The following KIF26B variants were observed in gnomAD, a reference collection of about 807,000 sequenced individuals.
The protein encoded by KIF26B is kinesin-like protein KIF26B.
KIF26B carries 63 observed loss-of-function variants against 151.2 expected under a neutral mutation model. The observed-to-expected ratio is 0.42, with a 90% CI of 0.34 to 0.51. The LOEUF (loss-of-function observed/expected upper bound fraction) is 0.51. Among genes scored for constraint, KIF26B ranks in the 20% least tolerant of loss-of-function variants. The pLI is 0.07. For synonymous variants in KIF26B, 1,357 were observed against 1,262.1 expected, an observed-to-expected ratio of 1.08 and a Z score of -1.59; for missense variants, 2,813 against 2,913.6, an observed-to-expected ratio of 0.97 and a Z score of 0.79.
chr1:245,225,451 C>T (rs1669854619), intron 2 of KIF26B, among the ~76,000 whole-genome samples: 1 of 152,250 alleles, frequency 6.6e-6, no homozygotes, highest in African/African-American at 2.4e-5. Context: ...TGGCCCTCTG[C>T]AGGAGGGCTG....
chr1:245,306,919 A>G (rs1671566388), intron 2 of KIF26B, among the ~76,000 whole-genome samples: 2 of 152,176 alleles, frequency 1.3e-5, no homozygotes. Flanking sequence ...TACGTGATAC[A>G]TTTTTATCAC....
chr1:245,156,669 C>A lies in KIF26B; in HGVS notation c.451C>A (p.Pro151Thr). 6.7e-7 allele frequency: 1 copy of A among 1,500,606 alleles called. No individual in the cohort carries two copies. Among genetic ancestry groups the A allele is most frequent in the African/African-American group, 1.5e-5 (1 of 68,864 alleles). 93.0% of individuals were successfully genotyped at this position (1,500,606 alleles called of 1,614,324 possible). A position where few individuals can be genotyped will look rare whatever the true frequency, so the allele number is the denominator to read the frequency against. The change falls in exon 2 of 15, where the codon CCC becomes ACC. Residue 151 changes from proline to threonine, a missense_variant. Physicochemically the swap from Pro to Thr is conservative, Grantham distance 38. Around this residue, in one of 3 missense-constraint regions of KIF26B, gnomAD observed 676 missense variants for 688.1 expected, o/e 0.98. Coordinates refer to ENST00000407071, the MANE Select transcript of KIF26B (RefSeq NM_018012.4). Reference sequence around the variant, plus strand: ...GGCCCTGAGGTTGCTCCTCCCGGGGCCCTTCCCGGGCAAGGTGAGCGCCGC... The same window carrying A: ...GGCCCTGAGGTTGCTCCTCCCGGGGACCTTCCCGGGCAAGGTGAGCGCCGC... ...RQALRLLLPG[P>T]FPGKDPAFSA...
At position 245,156,234 on chromosome 1, in the gene KIF26B, G is replaced by A. The variant is rs1280643321; in HGVS notation, c.64-48G>A. ...ACGTATGACCCAGCTCCTGGGCGCT[G>A]CAGCCCGCCGCCTTGCAGCCCCTGA... On this transcript the variant is annotated intron_variant, in intron 1 of 14. Coordinates refer to ENST00000407071, the MANE Select transcript of KIF26B (RefSeq NM_018012.4). 3.3e-6 allele frequency: 5 copies of A among 1,529,208 alleles called. No individual in the cohort carries two copies. In the Admixed American group the frequency reaches 8.1e-5, roughly 25 times the overall value. The allele number at this position is 1,529,208 out of a possible 1,614,324, so 94.7% of individuals were successfully genotyped here.
rs1205894043 is a variant in KIF26B at position 245,687,389 on chromosome 1, C to T, written c.4406C>T (p.Pro1469Leu). Residue 1469 changes from proline to leucine, a missense_variant, in exon 12 of 15, where the codon CCC becomes CTC. Around this residue, in one of 3 missense-constraint regions of KIF26B, gnomAD observed 2,060 missense variants for 2,088.6 expected, o/e 0.99. Transcript: ENST00000407071. The surrounding 1 kb of genome is among the most constrained non-coding windows in gnomAD (Gnocchi z 4.9). ...GMMRCETATG[P>L]SNAETRAEQE... ...ATGAGGTGTGAGACTGCCACGGGCC[C>T]CTCGAATGCTGAGACCAGAGCAGAG... 6.3e-7 allele frequency: 1 copy of T among 1,587,748 alleles called. No homozygotes were observed. The highest frequency in any genetic ancestry group is 8.6e-7 in the Non-Finnish European group (1 of 1,167,548).
At chr1:245,567,714 C>T (rs1222125233) in intron 5 of KIF26B, among the ~76,000 whole-genome samples, 1 of 152,156 alleles carries the variant, frequency 6.6e-6, no homozygotes, top group African/African-American at 2.4e-5. Context: ...CATGAGCAGG[C>T]CTTTGCAAAA....
At chr1:245,475,705 A>G (rs1368371744) in intron 4 of KIF26B, among the ~76,000 whole-genome samples, 2 of 151,900 alleles carry the variant, frequency 1.3e-5, no homozygotes, top group African/African-American at 4.8e-5. Context: ...TGCCACTTCA[A>G]ACCGTCTGGG....
chr1:245,477,167 T>G (rs1660057583), intron 4 of KIF26B, among the ~76,000 whole-genome samples: 1 of 151,934 alleles, frequency 6.6e-6, no homozygotes, highest in Admixed American at 6.5e-5. Context: ...GATTAGTCAT[T>G]TGTGCTTGAT....
intron 2 of KIF26B, among the ~76,000 whole-genome samples, chr1:245,346,035 C>A (rs1263106574): frequency 6.6e-6 from 1 of 150,740 alleles, no homozygotes; most frequent in African/African-American, 2.5e-5. Context: ...TGGGTTCAAG[C>A]GATTCTCCTG....
In KIF26B at chr1:245,484,767, A is replaced by ATATTATTATTATTATTATTAT. The variant is rs771748723; in HGVS notation, c.1167-55992_1167-55972dup. ...CTTCCTCTTCTTCTTCTTCTTCTTC[A>ATATTATTATTATTATTATTAT]TATTATTATTATTATTATTATTATT... is the stretch of plus-strand genomic sequence containing the variant. On this transcript the variant is annotated intron_variant, in intron 4 of 14. Coordinates refer to ENST00000407071, the MANE Select transcript of KIF26B (RefSeq NM_018012.4). Among the ~76,000 whole-genome samples the ATATTATTATTATTATTATTAT allele has an allele frequency of 1.4e-3, 192 of 134,262 alleles. 1 individual carries two copies. The highest frequency in any genetic ancestry group is 2.6e-3 in the Admixed American group (35 of 13,372). 88.1% of individuals were successfully genotyped at this position (134,262 alleles called of 152,430 possible). A position where few individuals can be genotyped will look rare whatever the true frequency, so the allele number is the denominator to read the frequency against.
chr1:245,645,997 A>G (rs970474447), intron 9 of KIF26B, 124 bp from the exon 10 acceptor site: 22 of 1,021,130 alleles, frequency 2.2e-5, no homozygotes, highest in Middle Eastern at 3.1e-4. Context: ...CTAGTAGGTC[A>G]TGAACGTCAA....
intron 5 of KIF26B, among the ~76,000 whole-genome samples, chr1:245,588,509 C>T (rs768632206): frequency 6.6e-6 from 1 of 152,192 alleles, no homozygotes; most frequent in African/African-American, 2.4e-5. Flanking sequence ...GGCCCCTCTT[C>T]TTATCAACCC....
intron 4 of KIF26B, among the ~76,000 whole-genome samples, chr1:245,500,525 A>G (rs1378283076): frequency 6.6e-6 from 1 of 152,254 alleles, no homozygotes; most frequent in Non-Finnish European, 1.5e-5. Flanking sequence ...CGTATTAATA[A>G]CACCTGGTGT....
chr1:245,425,763 C>A (rs1373279113), intron 4 of KIF26B, among the ~76,000 whole-genome samples: 1 of 152,164 alleles, frequency 6.6e-6, no homozygotes, highest in African/African-American at 2.4e-5. Context: ...ACATTCAGAG[C>A]AAGAGTTTGA....
intron 4 of KIF26B, among the ~76,000 whole-genome samples, chr1:245,448,561 C>G (rs1181338353): frequency 6.6e-6 from 1 of 152,114 alleles, no homozygotes; most frequent in Non-Finnish European, 1.5e-5. Context: ...GTTATAGCAG[C>G]AGGACTGGAC....
rs76596307 is a variant in KIF26B, at chr1:245,658,001, C to T, written c.2258+11721C>T. Among the ~76,000 whole-genome samples, 785 of 152,242 alleles carry T rather than the reference C, an allele frequency of 5.2e-3. 2 individuals carry two copies. The highest frequency in any genetic ancestry group is 0.023 in the East Asian group (120 of 5,178). ...TCCGTCACCCTCCTGCCTGTTCCAG[C>T]GGTGACCACAGTGCTGAATTTTCTG... On this transcript the variant is annotated intron_variant, in intron 10 of 14. Transcript: ENST00000407071.
chr1:245,376,135 A>C (rs1244020730), intron 3 of KIF26B, among the ~76,000 whole-genome samples: 1 of 152,240 alleles, frequency 6.6e-6, no homozygotes, highest in Non-Finnish European at 1.5e-5. Flanking sequence ...AATTTCATGT[A>C]GAAGGAAGTT....
At chr1:245,642,144 C>T (rs1487854948) in intron 9 of KIF26B, among the ~76,000 whole-genome samples, 1 of 152,184 alleles carries the variant, frequency 6.6e-6, no homozygotes, top group African/African-American at 2.4e-5. Context: ...CCACCAGGGA[C>T]CTGAGTCCTG....
At chr1:245,203,695 C>T (rs948869755) in intron 2 of KIF26B, among the ~76,000 whole-genome samples, 1 of 152,198 alleles carries the variant, frequency 6.6e-6, no homozygotes, top group Non-Finnish European at 1.5e-5. Context: ...GATGCGCTTC[C>T]TCTCCCTGCT....
rs558177650 is a variant in KIF26B at position 245,709,123 on chromosome 1, A to C, written c.*6517A>C. The stretch of plus-strand genomic sequence containing the variant: ...ACTCTTCTGTACTTGGGCAGGTCCC[A>C]GCAGCCCCTTGGCAGGCTAGTTTTG... On this transcript the variant is annotated 3_prime_UTR_variant, in exon 15 of 15. Coordinates refer to ENST00000407071, the MANE Select transcript of KIF26B (RefSeq NM_018012.4). 10 of 152,262 alleles carry C rather than the reference A, an allele frequency of 6.6e-5. No individual in the cohort carries two copies. Among genetic ancestry groups the C allele is most frequent in the Admixed American group, 3.3e-4 (5 of 15,280 alleles). The allele number at this position is 152,262 out of a possible 1,614,324, so 9.4% of individuals were successfully genotyped here.
Sources: gnomAD v4.1 joint callset for allele counts (sites outside exome capture counted in the v4.1 genomes callset) on GRCh38, gnomAD v4.1.1 for gene constraint, gnomAD v4.1.1 regional missense constraint, Gnocchi (gnomAD v3.1) non-coding constraint, MANE v1.5 for transcripts, NCBI Gene and HGNC (gene_info 2026-07-23, HGNC 2026-07-21) for gene names.